Variants in STK40 observed in about 807,000 individuals in gnomAD.
STK40 encodes the protein serine/threonine-protein kinase 40.
In STK40, 13 loss-of-function variants were observed where a neutral mutation model predicts 47.9. The observed-to-expected ratio is 0.27, with a 90% CI of 0.18 to 0.43. The LOEUF is 0.43. STK40 is among the 20% of genes least tolerant of loss of function. STK40 has a pLI of 1.00. For synonymous variants in STK40, 225 were observed against 243.2 expected, an observed-to-expected ratio of 0.93 and a Z score of 0.69; for missense variants, 460 against 595.1, an observed-to-expected ratio of 0.77 and a Z score of 2.36.
intron 1 of STK40, among the ~76,000 whole-genome samples, chr1:36,364,275 TAGGCTAATACA>T (rs1646882670): frequency 6.6e-6 from 1 of 152,168 alleles, no homozygotes; most frequent in Non-Finnish European, 1.5e-5. Context: ...AAATCCCCAT[TAGGCTAATACA>T]AGGGGGACAT....
At chr1:36,369,189 C>T (rs1160043272) in intron 1 of STK40, among the ~76,000 whole-genome samples, 2 of 152,214 alleles carry the variant, frequency 1.3e-5, no homozygotes, top group Non-Finnish European at 2.9e-5. Context: ...TCCATGCAAT[C>T]TCCAGGCCTG....
chr1:36,345,147 T>C (rs1229419972), intron 7 of STK40, among the ~76,000 whole-genome samples: 2 of 152,266 alleles, frequency 1.3e-5, no homozygotes, highest in Admixed American at 1.3e-4. Flanking sequence ...TTGAAAGCTC[T>C]TGGCCCTGCC....
chr1:36,379,398 C>CTTT (rs55738958), intron 1 of STK40, among the ~76,000 whole-genome samples: 1 of 138,890 alleles, frequency 7.2e-6, no homozygotes. Flanking sequence ...GTTGTAGCCT[C>CTTT]TTTTTTTTTT....
chr1:36,375,317 G>A (rs572825297), intron 1 of STK40, among the ~76,000 whole-genome samples: 34 of 152,054 alleles, frequency 2.2e-4, no homozygotes, highest in Non-Finnish European at 4.0e-4. Context: ...GACCAGCATG[G>A]CCAACACGGT....
chr1:36,353,689 G>A (rs985507790), intron 6 of STK40, among the ~76,000 whole-genome samples: 5 of 152,176 alleles, frequency 3.3e-5, no homozygotes, highest in Non-Finnish European at 7.3e-5. Context: ...TTGCTGTGGG[G>A]GCACAAAGGC....
At chr1:36,346,946 T>A (rs1174049392) in intron 7 of STK40, among the ~76,000 whole-genome samples, 1 of 152,120 alleles carries the variant, frequency 6.6e-6, no homozygotes, top group African/African-American at 2.4e-5. Flanking sequence ...CTGTAGAGGG[T>A]GCCAGACTGT....
At chr1:36,353,481 G>A (rs919008848) in intron 6 of STK40, among the ~76,000 whole-genome samples, 1 of 152,182 alleles carries the variant, frequency 6.6e-6, no homozygotes, top group African/African-American at 2.4e-5. Flanking sequence ...CTCTGCTGCT[G>A]GTTCACCCCA....
intron 1 of STK40, among the ~76,000 whole-genome samples, chr1:36,381,568 A>G (rs1647039698): frequency 6.6e-6 from 1 of 151,936 alleles, no homozygotes; most frequent in Non-Finnish European, 1.5e-5. Flanking sequence ...GGGAGTTGGG[A>G]ACTCCCAGGT....
intron 4 of STK40, among the ~76,000 whole-genome samples, chr1:36,356,477 G>T (rs1413752680): frequency 7.0e-6 from 1 of 143,120 alleles, no homozygotes. Context: ...CCAGGCTGGA[G>T]TGCAGTGTCA....
rs182214010 is a variant in STK40 at position 36,355,316 on chromosome 1, C to T, written c.460G>A (p.Ala154Thr). Residue 154 changes from alanine to threonine, a missense_variant, in exon 5 of 11, where the codon GCT becomes ACT. Ala to Thr is a moderately conservative substitution (Grantham distance 58). This residue lies in a region of STK40 where 277 missense variants were observed against 358.7 expected (regional missense o/e 0.77). Coordinates refer to ENST00000373132, the MANE Select transcript of STK40 (RefSeq NM_001282547.2). ...LCAHDFSDKTADLINLQHYVI... is the reference protein window; with the variant it reads ...LCAHDFSDKTTDLINLQHYVI... ...TAGTGCTGCAGGTTGATGAGGTCAG[C>T]GGTCTTATCGCTGAAGTCATGAGCA... 22 of 1,614,150 alleles carry T rather than the reference C, an allele frequency of 1.4e-5. No individual in the cohort carries two copies. The highest frequency in any genetic ancestry group is 1.6e-4 in the Middle Eastern group (1 of 6,062).
chr1:36,344,577 C>T (rs1646683492), intron 7 of STK40, among the ~76,000 whole-genome samples: 1 of 152,258 alleles, frequency 6.6e-6, no homozygotes, highest in Admixed American at 6.5e-5. Flanking sequence ...GGGTCAAGAA[C>T]ACTGGCACAG....
chr1:36,348,585 C>T, intron 7 of STK40, 115 bp downstream of exon 7: 1 of 864,604 alleles, frequency 1.2e-6, no homozygotes, highest in Non-Finnish European at 1.9e-6. Context: ...TGGTCTGGGC[C>T]CCCAGTGAAG....
chr1:36,362,288 CAG>C (rs1418913622), intron 1 of STK40, among the ~76,000 whole-genome samples: 6 of 152,172 alleles, frequency 3.9e-5, no homozygotes, highest in African/African-American at 1.4e-4. Context: ...GACAAGGAAA[CAG>C]ATGTGTACAG....
intron 1 of STK40, among the ~76,000 whole-genome samples, chr1:36,371,418 C>G (rs1360966246): frequency 6.7e-6 from 1 of 150,226 alleles, no homozygotes; most frequent in Non-Finnish European, 1.5e-5. Context: ...GCCGGGCGTG[C>G]TGGTGGGCGC....
chr1:36,354,559 G>A (rs1406166885), intron 5 of STK40, 143 bp from the exon 6 acceptor site: 1 of 810,426 alleles, frequency 1.2e-6, no homozygotes, highest in Non-Finnish European at 2.1e-6. Flanking sequence ...AGCACAGGCA[G>A]ATCAGGACAG....
intron 1 of STK40, among the ~76,000 whole-genome samples, chr1:36,366,336 C>A (rs539502301): frequency 6.6e-6 from 1 of 152,288 alleles, no homozygotes; most frequent in Admixed American, 6.5e-5. Context: ...AGAAGGATGG[C>A]AACAGACGCG....
At chr1:36,348,537 C>T (rs1646723762) in intron 7 of STK40, among the ~76,000 whole-genome samples, 163 bp downstream of exon 7, 1 of 152,240 alleles carries the variant, frequency 6.6e-6, no homozygotes, top group South Asian at 2.1e-4. Context: ...TCTTCCACCT[C>T]CAACAGACCA....
chr1:36,371,381 C>T (rs1444781311), intron 1 of STK40, among the ~76,000 whole-genome samples: 6 of 150,674 alleles, frequency 4.0e-5, no homozygotes, highest in African/African-American at 7.3e-5. Context: ...GGTGAAACCC[C>T]GCTTCTACTA....
intron 1 of STK40, among the ~76,000 whole-genome samples, chr1:36,381,503 CAGGGTCTCACT>C (rs1647039008): frequency 6.6e-6 from 1 of 152,098 alleles, no homozygotes; most frequent in Admixed American, 6.5e-5. Flanking sequence ...TTTTTTGAGA[CAGGGTCTCACT>C]CTGTTGTCCA....
Sources: allele counts gnomAD v4.1 joint callset (sites outside exome capture counted in the v4.1 genomes callset), GRCh38; gene constraint gnomAD v4.1.1; regional missense constraint gnomAD v4.1.1; transcripts MANE v1.5; gene names NCBI Gene and HGNC (gene_info 2026-07-23, HGNC 2026-07-21).